Variants in FHIT observed in about 807,000 individuals in gnomAD.
FHIT encodes bis(5'-adenosyl)-triphosphatase.
FHIT carries 19 observed loss-of-function variants against 17.9 expected under a neutral mutation model. The observed-to-expected ratio is 1.06, with a 90% CI of 0.74 to 1.56. The LOEUF is 1.56. Ranked by LOEUF, FHIT falls within the 40% of genes most tolerant of loss-of-function variation. The pLI is 0.00. For synonymous variants in FHIT, 81 were observed against 69.7 expected (o/e 1.16, Z -0.81); for missense variants, 248 against 189.2 (o/e 1.31, Z -1.82).
intron 5 of FHIT, among the ~76,000 whole-genome samples, chr3:60,047,813 T>G (rs540164159): frequency 6.6e-6 from 1 of 152,360 alleles, no homozygotes; most frequent in East Asian, 1.9e-4. Flanking sequence ...ACGAGCAGAC[T>G]AGATTTAAGA....
chr3:61,245,671 T>A (rs1250237708), intron 1 of FHIT, among the ~76,000 whole-genome samples: 1 of 152,218 alleles, frequency 6.6e-6, no homozygotes, highest in Non-Finnish European at 1.5e-5. Flanking sequence ...CCATAATGCA[T>A]CCATACTTTT....
chr3:60,094,207 A>G (rs1357533521), intron 5 of FHIT, among the ~76,000 whole-genome samples: 1 of 152,188 alleles, frequency 6.6e-6, no homozygotes, highest in Non-Finnish European at 1.5e-5. Flanking sequence ...ACATTTTTTT[A>G]TATTTGACAA....
chr3:61,165,969 A>G (rs1185603194), intron 2 of FHIT: 1 of 152,242 alleles, frequency 6.6e-6, no homozygotes, highest in Non-Finnish European at 1.5e-5. Context: ...CATTACCATC[A>G]CCTTGTCTAG....
intron 5 of FHIT, among the ~76,000 whole-genome samples, chr3:60,485,223 A>T (rs938678091): frequency 6.6e-5 from 10 of 152,184 alleles, no homozygotes; most frequent in African/African-American, 2.2e-4. Context: ...AATTAATTCA[A>T]CCTCTGTGGG....
At chr3:60,007,572 C>T (rs549995170) in intron 7 of FHIT, among the ~76,000 whole-genome samples, 2 of 152,208 alleles carry the variant, frequency 1.3e-5, no homozygotes, top group African/African-American at 2.4e-5. Flanking sequence ...ACCCATTGCC[C>T]GGTTCATGGC....
At chr3:59,852,809 A>G (rs867025615) in intron 8 of FHIT, among the ~76,000 whole-genome samples, 3 of 152,164 alleles carry the variant, frequency 2.0e-5, no homozygotes, top group Non-Finnish European at 4.4e-5. Flanking sequence ...TCTTTCACTT[A>G]GTAATATACA....
intron 4 of FHIT, among the ~76,000 whole-genome samples, chr3:60,676,013 G>A (rs1319242912): frequency 6.6e-6 from 1 of 152,142 alleles, no homozygotes; most frequent in Non-Finnish European, 1.5e-5. Context: ...CAAACAAGCT[G>A]CAACTTACGT....
intron 7 of FHIT, among the ~76,000 whole-genome samples, chr3:59,990,187 C>T (rs115931653): frequency 0.011 from 1,597 of 152,058 alleles, 32 homozygotes; most frequent in African/African-American, 0.036. Context: ...CTGTAATGAG[C>T]GAGTATCATC....
chr3:60,058,975 T>C (rs1447894574), intron 5 of FHIT, among the ~76,000 whole-genome samples: 4 of 152,038 alleles, frequency 2.6e-5, no homozygotes, highest in Non-Finnish European at 5.9e-5. Flanking sequence ...TCTAAAAACA[T>C]AGGAACCGAG....
intron 5 of FHIT, among the ~76,000 whole-genome samples, chr3:60,506,346 A>G (rs1030627457): frequency 6.6e-6 from 1 of 152,184 alleles, no homozygotes; most frequent in African/African-American, 2.4e-5. Context: ...GCAACTCCTG[A>G]ACACTGGTGC....
intron 2 of FHIT, among the ~76,000 whole-genome samples, chr3:61,046,442 A>G (rs541237138): frequency 2.0e-5 from 3 of 152,322 alleles, no homozygotes; most frequent in African/African-American, 7.2e-5. Flanking sequence ...TAAACCAAAA[A>G]GAAGTTGAAT....
chr3:60,717,378 A>C (rs1365276347), intron 4 of FHIT, among the ~76,000 whole-genome samples: 1 of 152,198 alleles, frequency 6.6e-6, no homozygotes, highest in Non-Finnish European at 1.5e-5. Context: ...TGATTTCATC[A>C]TTTAGCAATG....
intron 4 of FHIT, among the ~76,000 whole-genome samples, chr3:60,548,551 TTC>T (rs1437007713): frequency 6.6e-6 from 1 of 152,156 alleles, no homozygotes; most frequent in Non-Finnish European, 1.5e-5. Context: ...ATTTCATGAT[TTC>T]TCTCTCTTTT....
chr3:59,937,049 G>A (rs1706276651), intron 7 of FHIT, among the ~76,000 whole-genome samples: 1 of 152,150 alleles, frequency 6.6e-6, no homozygotes, highest in African/African-American at 2.4e-5. Flanking sequence ...CAAAGTAACT[G>A]AATTCAGACA....
At chr3:60,361,338 G>A (rs1342918159) in intron 5 of FHIT, among the ~76,000 whole-genome samples, 2 of 152,170 alleles carry the variant, frequency 1.3e-5, no homozygotes, top group Non-Finnish European at 2.9e-5. Flanking sequence ...GAGAGGAGAG[G>A]TGTTTGTCAG....
chr3:60,535,807 G>GT (rs2035960886), intron 5 of FHIT: 2 of 115,430 alleles, frequency 1.7e-5, no homozygotes, highest in African/African-American at 6.3e-5. Flanking sequence ...TTTCTTATTT[G>GT]TATTTTTTTT....
chr3:59,852,694 C>T (rs144696370), intron 8 of FHIT, among the ~76,000 whole-genome samples: 129 of 152,292 alleles, frequency 8.5e-4, no homozygotes, highest in African/African-American at 2.9e-3. Context: ...TCCCTCCCTC[C>T]TAATCCTTGG....
intron 5 of FHIT, among the ~76,000 whole-genome samples, chr3:60,489,220 A>T (rs1559486785): frequency 1.3e-5 from 2 of 152,204 alleles, no homozygotes. Context: ...CAGAGGCATC[A>T]ATCCTAATTG....
intron 5 of FHIT, among the ~76,000 whole-genome samples, chr3:60,419,539 G>C (rs376463272): frequency 1.3e-5 from 2 of 152,170 alleles, no homozygotes; most frequent in Non-Finnish European, 2.9e-5. Context: ...ACATGCCCTT[G>C]TTTCTAACAA....
Sources: allele counts gnomAD v4.1 joint callset (sites outside exome capture counted in the v4.1 genomes callset), GRCh38; gene constraint gnomAD v4.1.1; transcripts MANE v1.5; gene names NCBI Gene and HGNC (gene_info 2026-07-23, HGNC 2026-07-21).